The following EYS variants were observed in gnomAD, a reference collection of about 807,000 sequenced individuals.
EYS encodes the protein protein eyes shut homolog.
EYS carries 250 observed loss-of-function variants against 282.1 expected under a neutral mutation model. The ratio of observed to expected loss-of-function variants is 0.89; its 90% confidence interval spans 0.80 to 0.98. The LOEUF (loss-of-function observed/expected upper bound fraction) is 0.98, where lower values mean the gene tolerates loss of function less well. Among genes scored for constraint, EYS ranks in the 50% least tolerant of loss-of-function variants. The pLI, the probability that EYS is intolerant of heterozygous loss-of-function variation, is 0.00. For synonymous variants in EYS, 1,355 were observed against 1,282.9 expected (o/e 1.06, Z -1.20); for missense variants, 4,016 against 3,709.0 (o/e 1.08, Z -2.15).
At chr6:64,116,944 G>T (rs1472678264) in intron 31 of EYS, among the ~76,000 whole-genome samples, 1 of 151,844 alleles carries the variant, frequency 6.6e-6, no homozygotes, top group Non-Finnish European at 1.5e-5. Flanking sequence ...TGAGGGAAGA[G>T]ACAGACAGTA....
intron 14 of EYS, among the ~76,000 whole-genome samples, chr6:64,984,903 G>A (rs1205771629): frequency 6.6e-6 from 1 of 151,412 alleles, no homozygotes; most frequent in Non-Finnish European, 1.5e-5. Flanking sequence ...GAATTTTTGA[G>A]ATTCTGCCTC....
At chr6:64,840,126 C>A (rs992659702) in intron 19 of EYS, among the ~76,000 whole-genome samples, 1 of 152,014 alleles carries the variant, frequency 6.6e-6, no homozygotes, top group African/African-American at 2.4e-5. Context: ...TTTGCTTTTG[C>A]TACTTATTAG....
chr6:64,306,913 A>G (rs1025531535), intron 30 of EYS, 57 bp downstream of exon 30: 2 of 817,206 alleles, frequency 2.4e-6, no homozygotes, highest in East Asian at 5.4e-5. Context: ...TGGAAATGAT[A>G]TCTTTTGGTG....
intron 12 of EYS, among the ~76,000 whole-genome samples, chr6:65,133,685 A>T (rs991591198): frequency 1.3e-5 from 2 of 152,154 alleles, no homozygotes; most frequent in Non-Finnish European, 2.9e-5. Context: ...CAACATAGGC[A>T]ATAACATTCT....
chr6:65,208,632 A>G (rs1440426543), intron 12 of EYS, among the ~76,000 whole-genome samples: 7 of 151,932 alleles, frequency 4.6e-5, no homozygotes, highest in Non-Finnish European at 1.0e-4. Context: ...AAAAGGAATG[A>G]AGTCATTTCC....
chr6:64,308,854 C>T (rs1769560073), intron 29 of EYS, among the ~76,000 whole-genome samples: 1 of 151,986 alleles, frequency 6.6e-6, no homozygotes, highest in Non-Finnish European at 1.5e-5. Context: ...ACAAACAAGT[C>T]AAGTAGATTC....
intron 19 of EYS, among the ~76,000 whole-genome samples, chr6:64,853,528 C>T (rs1765952821): frequency 6.6e-6 from 1 of 152,068 alleles, no homozygotes; most frequent in Admixed American, 6.6e-5. Flanking sequence ...TTAATAATTA[C>T]TACCAGGATT....
chr6:64,190,685 T>C (rs894189522), intron 31 of EYS, among the ~76,000 whole-genome samples: 2 of 152,146 alleles, frequency 1.3e-5, no homozygotes, highest in African/African-American at 4.8e-5. Flanking sequence ...TCCAGGTCTT[T>C]TGGCTCCCAC....
chr6:64,918,771 T>C (rs769183963), intron 15 of EYS, among the ~76,000 whole-genome samples: 1 of 152,038 alleles, frequency 6.6e-6, no homozygotes, highest in Non-Finnish European at 1.5e-5. Flanking sequence ...ATGACAACGA[T>C]GGAAATAGAA....
At chr6:65,406,915 T>C (rs1766768622) in intron 5 of EYS, among the ~76,000 whole-genome samples, 1 of 152,146 alleles carries the variant, frequency 6.6e-6, no homozygotes, top group Non-Finnish European at 1.5e-5. Context: ...TCCATCTTTT[T>C]TTCCAAAAAT....
chr6:65,597,968 C>T (rs1765468004), intron 2 of EYS, among the ~76,000 whole-genome samples: 1 of 151,906 alleles, frequency 6.6e-6, no homozygotes, highest in South Asian at 2.1e-4. Flanking sequence ...GACATGGTGG[C>T]ATGCACCTGT....
chr6:64,196,137 GA>G (rs1047258828), intron 31 of EYS, among the ~76,000 whole-genome samples: 1 of 152,094 alleles, frequency 6.6e-6, no homozygotes, highest in African/African-American at 2.4e-5. Context: ...AAAGACACAT[GA>G]AAAAATGCTC....
chr6:65,092,000 T>G (rs550978440), intron 12 of EYS, among the ~76,000 whole-genome samples: 1 of 152,220 alleles, frequency 6.6e-6, no homozygotes, highest in Admixed American at 6.5e-5. Context: ...GGTTGAAATC[T>G]GAAAATTAGG....
intron 10 of EYS, among the ~76,000 whole-genome samples, chr6:65,336,499 T>G (rs1769995620): frequency 6.6e-6 from 1 of 151,670 alleles, no homozygotes; most frequent in African/African-American, 2.4e-5. Context: ...ACACAATTTT[T>G]TAAAATTCCA....
intron 36 of EYS, among the ~76,000 whole-genome samples, chr6:63,834,496 C>A (rs1771746505): frequency 6.6e-6 from 1 of 152,074 alleles, no homozygotes; most frequent in Non-Finnish European, 1.5e-5. Context: ...ATCAAAACCA[C>A]AATGAGATAC....
chr6:64,839,329 A>G (rs897004970), intron 19 of EYS, among the ~76,000 whole-genome samples: 11 of 152,072 alleles, frequency 7.2e-5, no homozygotes, highest in Admixed American at 3.9e-4. Flanking sequence ...TAATAATTTT[A>G]TTAAAAATTT....
At chr6:64,196,055 CAAAG>C (rs1490328010) in intron 31 of EYS, among the ~76,000 whole-genome samples, 9 of 151,848 alleles carry the variant, frequency 5.9e-5, no homozygotes, top group Non-Finnish European at 1.2e-4. Flanking sequence ...AAGAAAAAAA[CAAAG>C]AACCCCATCA....
chr6:64,238,246 T>A (rs1391325851), intron 30 of EYS, among the ~76,000 whole-genome samples: 3 of 152,136 alleles, frequency 2.0e-5, no homozygotes, highest in Admixed American at 6.6e-5. Flanking sequence ...GTTCCCTGCA[T>A]CCTTGGGTGT....
Position 64,902,492 on chromosome 6 carries a change from C to T in EYS, c.2650G>A (p.Gly884Ser), listed in dbSNP as rs975091563. ...TTCACATCAATTTCACAGTTTTTAC[C>T]TTCAAATTCTGCAAAGAGTATGAGA... ...QHCICREEFE[G>S]KNCEIDVKDC... is the part of the protein sequence containing the mutation. Residue 884 changes from glycine (G) to serine (S), a missense_variant, in exon 17 of 43, where the codon GGT becomes AGT. Coordinates refer to ENST00000503581, the MANE Select transcript of EYS (RefSeq NM_001142800.2). The T allele has an allele frequency of 2.6e-6, 4 of 1,529,256 alleles. No individual in the cohort carries two copies. Among genetic ancestry groups the T allele is most frequent in the Non-Finnish European group, 3.5e-6 (4 of 1,139,768 alleles). The allele number at this position is 1,529,256 out of a possible 1,614,324, so 94.7% of individuals were successfully genotyped here.
Sources: allele counts gnomAD v4.1 joint callset (sites outside exome capture counted in the v4.1 genomes callset), GRCh38; gene constraint gnomAD v4.1.1; transcripts MANE v1.5; gene names NCBI Gene and HGNC (gene_info 2026-07-23, HGNC 2026-07-21).